The following ERC2 variants were observed in gnomAD, a reference collection of about 807,000 sequenced individuals.
The protein encoded by ERC2 is ERC protein 2.
ERC2 carries 42 observed loss-of-function variants against 114.8 expected under a neutral mutation model. The ratio of observed to expected loss-of-function variants is 0.37; its 90% confidence interval spans 0.29 to 0.47. The LOEUF (loss-of-function observed/expected upper bound fraction) is 0.47, where lower values mean the gene tolerates loss of function less well. Ranked by LOEUF, ERC2 falls within the 20% of genes least tolerant of loss-of-function variation. The probability of loss-of-function intolerance (pLI) is 0.99; values close to 1 mark genes in which losing one functional copy is unlikely to be tolerated. For missense variants in ERC2, 939 were observed against 1,150.7 expected, an observed-to-expected ratio of 0.82 and a Z score of 2.66; for synonymous variants, 454 against 425.5, an observed-to-expected ratio of 1.07 and a Z score of -0.82.
chr3:55,722,802 C>T (rs1019138308), intron 15 of ERC2, among the ~76,000 whole-genome samples: 2 of 152,056 alleles, frequency 1.3e-5, no homozygotes, highest in Non-Finnish European at 2.9e-5. Flanking sequence ...AGGATTCTGC[C>T]CCAAATCTAT....
chr3:55,753,353 G>A (rs558547485), intron 14 of ERC2, among the ~76,000 whole-genome samples: 37 of 152,224 alleles, frequency 2.4e-4, no homozygotes, highest in African/African-American at 8.4e-4. Flanking sequence ...TCTTAGCTGT[G>A]GGAATCTATA....
chr3:55,966,930 ATATATT>A (rs1401643467), intron 12 of ERC2, among the ~76,000 whole-genome samples: 1 of 152,320 alleles, frequency 6.6e-6, no homozygotes, highest in Admixed American at 6.5e-5. Context: ...ATGCATACAT[ATATATT>A]TATATTTATT....
chr3:55,844,158 T>A (rs2061254266), intron 14 of ERC2, among the ~76,000 whole-genome samples: 1 of 152,210 alleles, frequency 6.6e-6, no homozygotes, highest in Admixed American at 6.5e-5. Flanking sequence ...CTACCACTAC[T>A]GTTGAAAGGT....
chr3:56,023,794 G>GGAAGGAAGGAAT (rs1440332073), intron 7 of ERC2, among the ~76,000 whole-genome samples: 14 of 151,942 alleles, frequency 9.2e-5, no homozygotes, highest in Non-Finnish European at 1.6e-4. Flanking sequence ...AAGGAAGGAA[G>GGAAGGAAGGAAT]GAAGGAAGGA....
chr3:56,361,819 G>A (rs1038739296), intron 2 of ERC2, among the ~76,000 whole-genome samples: 12 of 152,102 alleles, frequency 7.9e-5, no homozygotes, highest in East Asian at 1.9e-4. Context: ...GAGATGCATC[G>A]TAAATCATAC....
chr3:55,943,155 A>G (rs545258784), intron 13 of ERC2, among the ~76,000 whole-genome samples: 1 of 152,270 alleles, frequency 6.6e-6, no homozygotes, highest in East Asian at 1.9e-4. Flanking sequence ...TGCATGTTGA[A>G]CACGATTGCA....
intron 2 of ERC2, among the ~76,000 whole-genome samples, chr3:56,332,152 G>GCACA (rs4061143): frequency 4.6e-4 from 69 of 151,552 alleles, no homozygotes; most frequent in Middle Eastern, 6.8e-3. Context: ...ACACACATGT[G>GCACA]CACACACACA....
At chr3:56,005,320 A>G (rs2072398322) in intron 10 of ERC2, among the ~76,000 whole-genome samples, 1 of 152,034 alleles carries the variant, frequency 6.6e-6, no homozygotes, top group Admixed American at 6.6e-5. Context: ...TAATGCTACA[A>G]TGTTTACAGG....
At chr3:56,039,893 G>GA (rs1431868449) in intron 7 of ERC2, among the ~76,000 whole-genome samples, 1 of 152,154 alleles carries the variant, frequency 6.6e-6, no homozygotes, top group Admixed American at 6.6e-5. Context: ...TGCAATAGGG[G>GA]AAAGAGAATA....
chr3:55,997,918 G>GTT (rs2071703679), intron 10 of ERC2, among the ~76,000 whole-genome samples: 2 of 18,338 alleles, frequency 1.1e-4, no homozygotes, highest in South Asian at 1.9e-3. Flanking sequence ...GTGTGTGTGT[G>GTT]TGTGTTTTTT....
chr3:56,093,596 T>C (rs749049417), intron 6 of ERC2, among the ~76,000 whole-genome samples: 5 of 152,194 alleles, frequency 3.3e-5, no homozygotes, highest in African/African-American at 7.2e-5. Flanking sequence ...TGTAAATTCA[T>C]GCGTGGAAAA....
chr3:56,376,642 A>G (rs2059553102), intron 2 of ERC2, among the ~76,000 whole-genome samples: 1 of 152,094 alleles, frequency 6.6e-6, no homozygotes, highest in Admixed American at 6.5e-5. Context: ...ACAAACCTGT[A>G]ATCCCAGCTA....
At chr3:55,775,122 T>G (rs2068498082) in intron 14 of ERC2, among the ~76,000 whole-genome samples, 1 of 152,174 alleles carries the variant, frequency 6.6e-6, no homozygotes, top group African/African-American at 2.4e-5. Context: ...TTAATCTCCT[T>G]AATCAGCTTT....
intron 6 of ERC2, among the ~76,000 whole-genome samples, chr3:56,087,223 G>C (rs527481033): frequency 5.3e-5 from 8 of 151,376 alleles, no homozygotes; most frequent in African/African-American, 1.7e-4. Flanking sequence ...GTGTGTAAGA[G>C]CATGTGACAT....
At chr3:56,132,420 C>G (rs1482398013) in intron 6 of ERC2, among the ~76,000 whole-genome samples, 5 of 152,310 alleles carry the variant, frequency 3.3e-5, no homozygotes, top group African/African-American at 7.2e-5. Context: ...GACTCAGAGA[C>G]AGAAAAATGC....
intron 13 of ERC2, among the ~76,000 whole-genome samples, chr3:55,936,203 A>T (rs1003793842): frequency 6.6e-6 from 1 of 152,144 alleles, no homozygotes; most frequent in Non-Finnish European, 1.5e-5. Context: ...ATACAGCCTC[A>T]GTCCTTCTCT....
At chr3:55,658,255 C>T (rs923837305) in intron 17 of ERC2, 1 of 152,344 alleles carries the variant, frequency 6.6e-6, no homozygotes, top group East Asian at 1.9e-4. Context: ...TCTCTTCTCA[C>T]TATGGCCCTG....
intron 13 of ERC2, among the ~76,000 whole-genome samples, chr3:55,931,530 T>C (rs988385172): frequency 1.1e-4 from 17 of 152,062 alleles, no homozygotes; most frequent in African/African-American, 3.9e-4. Flanking sequence ...CATGTTCTCA[T>C]TCATAAATGC....
At chr3:55,843,022 T>C (rs2061204817) in intron 14 of ERC2, among the ~76,000 whole-genome samples, 3 of 152,206 alleles carry the variant, frequency 2.0e-5, no homozygotes, top group Non-Finnish European at 4.4e-5. Context: ...TATTGTCCAA[T>C]CTTCCCTTCT....
Sources: gnomAD v4.1 joint callset for allele counts (sites outside exome capture counted in the v4.1 genomes callset) on GRCh38, gnomAD v4.1.1 for gene constraint, MANE v1.5 for transcripts, NCBI Gene and HGNC (gene_info 2026-07-23, HGNC 2026-07-21) for gene names.